The following SIPA1L1 variants were observed in gnomAD, a reference collection of about 807,000 sequenced individuals.
The protein encoded by SIPA1L1 is signal-induced proliferation-associated 1-like protein 1.
Under a neutral mutation model 162.7 loss-of-function variants are expected in SIPA1L1, and 26 were observed. The ratio of observed to expected loss-of-function variants is 0.16; its 90% CI spans 0.12 to 0.22. SIPA1L1 has a LOEUF of 0.22. Among genes scored for constraint, SIPA1L1 ranks in the 10% least tolerant of loss-of-function variants. The pLI is 1.00. For synonymous variants in SIPA1L1, 829 were observed against 837.4 expected (o/e 0.99, Z 0.17); for missense variants, 1,874 against 2,241.0 (o/e 0.84, Z 3.31).
chr14:71,556,230 A>G (rs941165009), intron 4 of SIPA1L1, among the ~76,000 whole-genome samples: 1 of 152,220 alleles, frequency 6.6e-6, no homozygotes, highest in Non-Finnish European at 1.5e-5. Flanking sequence ...TGAATTGCCT[A>G]CTGTTTCAGA....
At chr14:71,542,499 C>T (rs2054522855) in intron 4 of SIPA1L1, among the ~76,000 whole-genome samples, 1 of 150,818 alleles carries the variant, frequency 6.6e-6, no homozygotes, top group Non-Finnish European at 1.5e-5. Context: ...TGCTTCTTCT[C>T]CTCGTCGTCC....
At position 71,730,392 on chromosome 14, in the gene SIPA1L1, G is replaced by T. The variant is rs1010424085; in HGVS notation, c.4861+91G>T. ...CTGCCACTCATGTGCTCAGAGAGGGGTCCTGTATCCATGCTCAGATGGTCT... is the reference window on the plus strand; with the variant it reads ...CTGCCACTCATGTGCTCAGAGAGGGTTCCTGTATCCATGCTCAGATGGTCT... On this transcript the variant is annotated intron_variant, in intron 20 of 23. Coordinates refer to ENST00000381232, the MANE Select transcript of SIPA1L1 (RefSeq NM_001386936.1). 1.2e-5 allele frequency: 18 copies of T among 1,440,218 alleles called. No individual in the cohort carries two copies. In the Admixed American group the frequency reaches 2.9e-4, roughly 23 times the overall value. 89.2% of individuals were successfully genotyped at this position (1,440,218 alleles called of 1,614,324 possible).
intron 16 of SIPA1L1, among the ~76,000 whole-genome samples, chr14:71,707,469 TGTCATCCCCTGGGAGACCTAGACA>T (rs2082536418): frequency 6.6e-6 from 1 of 152,206 alleles, no homozygotes; most frequent in Non-Finnish European, 1.5e-5. Context: ...ACCGACTGCT[TGTCATCCCCTGGGAGACCTAGACA>T]GTCACCAGTT....
chr14:71,719,785 C>T (rs528986601), intron 17 of SIPA1L1, among the ~76,000 whole-genome samples: 1 of 152,328 alleles, frequency 6.6e-6, no homozygotes, highest in African/African-American at 2.4e-5. Context: ...AGACACTGCA[C>T]CTGGCCTATT....
At chr14:71,440,493 A>G (rs1435725587) in intron 2 of SIPA1L1, among the ~76,000 whole-genome samples, 1 of 151,916 alleles carries the variant, frequency 6.6e-6, no homozygotes, top group Non-Finnish European at 1.5e-5. Context: ...TCTACAAAAA[A>G]TACAAAAACT....
intron 5 of SIPA1L1, among the ~76,000 whole-genome samples, chr14:71,607,306 T>C (rs1424389364): frequency 1.3e-5 from 2 of 151,472 alleles, no homozygotes; most frequent in Admixed American, 6.6e-5. Flanking sequence ...TGGTGACTAT[T>C]AGTGTTTTCT....
At chr14:71,460,556 G>A (rs2046521327) in intron 2 of SIPA1L1, among the ~76,000 whole-genome samples, 1 of 152,142 alleles carries the variant, frequency 6.6e-6, no homozygotes, top group East Asian at 1.9e-4. Flanking sequence ...GGTAGGAGGA[G>A]CCCAAAGTGT....
At chr14:71,443,599 A>G (rs1370012869) in intron 2 of SIPA1L1, among the ~76,000 whole-genome samples, 2 of 152,236 alleles carry the variant, frequency 1.3e-5, no homozygotes, top group Non-Finnish European at 2.9e-5. Flanking sequence ...GTGTGCTTCC[A>G]GGAGCCCTTC....
chr14:71,420,862 A>G (rs538875971), intron 2 of SIPA1L1, among the ~76,000 whole-genome samples: 1 of 152,210 alleles, frequency 6.6e-6, no homozygotes, highest in South Asian at 2.1e-4. Flanking sequence ...CTTACTATGT[A>G]CTCTAGCTAG....
intron 2 of SIPA1L1, among the ~76,000 whole-genome samples, chr14:71,334,535 A>G (rs2034888163): frequency 2.0e-5 from 3 of 152,118 alleles, no homozygotes; most frequent in Non-Finnish European, 4.4e-5. Context: ...TTTGTGTAGA[A>G]CCATACTTGA....
At chr14:71,466,891 A>C (rs1019349719) in intron 2 of SIPA1L1, among the ~76,000 whole-genome samples, 1 of 152,202 alleles carries the variant, frequency 6.6e-6, no homozygotes, top group South Asian at 2.1e-4. Context: ...TTTCTCTTCC[A>C]TAGTAGTTCT....
intron 17 of SIPA1L1, among the ~76,000 whole-genome samples, chr14:71,712,388 C>T (rs937964924): frequency 1.3e-5 from 2 of 152,084 alleles, no homozygotes; most frequent in Non-Finnish European, 2.9e-5. Flanking sequence ...TAACTAAAAA[C>T]GTCTATTAAT....
intron 3 of SIPA1L1, among the ~76,000 whole-genome samples, chr14:71,523,253 C>T (rs2052535526): frequency 6.6e-6 from 1 of 151,692 alleles, no homozygotes; most frequent in East Asian, 1.9e-4. Flanking sequence ...AGATATCACA[C>T]TTTGTCAGCT....
At position 71,512,236 on chromosome 14, in the gene SIPA1L1, G is replaced by A. The variant is rs944971467; in HGVS notation, c.-464-507G>A. 2.0e-5 allele frequency among the ~76,000 whole-genome samples: 3 copies of A among 152,048 alleles called. No individual in the cohort carries two copies. The East Asian group carries it at 5.8e-4, about 29-fold the overall frequency. ...TGTCTCTTGCCCAAATTCCTACAGG[G>A]GTCTGGGAAGTCACTCTCTCTAAAT... On this transcript the variant is annotated intron_variant, in intron 2 of 23. Transcript: ENST00000381232.
At chr14:71,340,716 TG>T (rs1265901172) in intron 2 of SIPA1L1, among the ~76,000 whole-genome samples, 1 of 152,052 alleles carries the variant, frequency 6.6e-6, no homozygotes, top group South Asian at 2.1e-4. Flanking sequence ...AAAAATTTGA[TG>T]TTACCTGAGG....
intron 2 of SIPA1L1, among the ~76,000 whole-genome samples, chr14:71,412,700 G>C (rs913261601): frequency 2.0e-5 from 3 of 152,186 alleles, no homozygotes; most frequent in Non-Finnish European, 4.4e-5. Context: ...AAACTACTAA[G>C]TTCTGATGAT....
intron 4 of SIPA1L1, among the ~76,000 whole-genome samples, chr14:71,587,251 G>T (rs1324760441): frequency 1.7e-4 from 26 of 152,102 alleles, no homozygotes; most frequent in Admixed American, 1.7e-3. Context: ...GGTCATTGGA[G>T]CAAAAGTCTG....
At chr14:71,584,778 C>A (rs535244777) in intron 4 of SIPA1L1, among the ~76,000 whole-genome samples, 2 of 152,330 alleles carry the variant, frequency 1.3e-5, no homozygotes, top group East Asian at 3.9e-4. Flanking sequence ...TAAAATTAAA[C>A]ATGTAATAAG....
chr14:71,408,657 C>A (rs1378829188), intron 2 of SIPA1L1, among the ~76,000 whole-genome samples: 1 of 152,052 alleles, frequency 6.6e-6, no homozygotes, highest in Non-Finnish European at 1.5e-5. Context: ...GATTTTTTTC[C>A]CCCCTGGTTT....
Sources: allele counts gnomAD v4.1 joint callset (sites outside exome capture counted in the v4.1 genomes callset), GRCh38; gene constraint gnomAD v4.1.1; transcripts MANE v1.5; gene names NCBI Gene and HGNC (gene_info 2026-07-23, HGNC 2026-07-21).